MAGI2: variants seen among roughly 807,000 people sequenced by gnomAD.
MAGI2 encodes the protein membrane associated guanylate kinase, WW and PDZ domain containing 2.
MAGI2 carries 35 observed loss-of-function variants against 133.3 expected under a neutral mutation model. The ratio of observed to expected loss-of-function variants is 0.26; its 90% CI spans 0.20 to 0.35. The LOEUF is 0.35. Ranked by LOEUF, MAGI2 falls within the 10% of genes least tolerant of loss-of-function variation. The probability of loss-of-function intolerance (pLI) is 1.00; values close to 1 mark genes in which losing one functional copy is unlikely to be tolerated. For missense variants in MAGI2, 1,636 were observed against 1,863.4 expected, an observed-to-expected ratio of 0.88 and a Z score of 2.25; for synonymous variants, 729 against 710.6, an observed-to-expected ratio of 1.03 and a Z score of -0.41.
chr7:78,761,184 T>C (rs1033344344), intron 2 of MAGI2, among the ~76,000 whole-genome samples: 6 of 152,230 alleles, frequency 3.9e-5, no homozygotes, highest in African/African-American at 9.6e-5. Flanking sequence ...TAATAGAAGT[T>C]GGTCTGGGAA....
At chr7:78,808,528 T>C (rs1788777286) in intron 2 of MAGI2, among the ~76,000 whole-genome samples, 1 of 152,210 alleles carries the variant, frequency 6.6e-6, no homozygotes, top group South Asian at 2.1e-4. Context: ...CATGCTGGGA[T>C]TACAGGCGTG....
chr7:79,171,776 T>A (rs865935694), intron 1 of MAGI2, among the ~76,000 whole-genome samples: 1,272 of 31,076 alleles, frequency 0.041, 28 homozygotes, highest in South Asian at 0.1. Flanking sequence ...ATATATTTTT[T>A]TTTTTTTTTT....
intron 21 of MAGI2, among the ~76,000 whole-genome samples, chr7:78,028,283 C>T (rs1462384423): frequency 6.6e-6 from 1 of 152,190 alleles, no homozygotes; most frequent in Non-Finnish European, 1.5e-5. Context: ...GAGATGTAAA[C>T]TAGATGTTAT....
At chr7:78,202,186 A>G (rs1829313395) in intron 10 of MAGI2, among the ~76,000 whole-genome samples, 1 of 151,570 alleles carries the variant, frequency 6.6e-6, no homozygotes, top group African/African-American at 2.4e-5. Flanking sequence ...AACATGCCAC[A>G]TACTATGTTT....
chr7:78,825,068 G>T (rs1790497508), intron 2 of MAGI2, among the ~76,000 whole-genome samples: 1 of 152,086 alleles, frequency 6.6e-6, no homozygotes, highest in African/African-American at 2.4e-5. Context: ...GCCTGTTGGA[G>T]GGTGGGGGGC....
chr7:78,964,760 T>A (rs1013777102), intron 2 of MAGI2, among the ~76,000 whole-genome samples: 1 of 151,994 alleles, frequency 6.6e-6, no homozygotes, highest in Non-Finnish European at 1.5e-5. Flanking sequence ...GTTACCAGCT[T>A]AGGAACAGAA....
intron 2 of MAGI2, among the ~76,000 whole-genome samples, chr7:78,801,185 G>T (rs1319315675): frequency 6.6e-6 from 1 of 152,112 alleles, no homozygotes; most frequent in Non-Finnish European, 1.5e-5. Context: ...TAATTCAAAA[G>T]AAATTTTTTC....
At chr7:78,709,022 C>T (rs1358648096) in intron 2 of MAGI2, among the ~76,000 whole-genome samples, 1 of 152,150 alleles carries the variant, frequency 6.6e-6, no homozygotes, top group East Asian at 1.9e-4. Flanking sequence ...TCTCATCATG[C>T]CTCACTTGTA....
At chr7:79,342,016 G>C (rs1840937528) in intron 1 of MAGI2, among the ~76,000 whole-genome samples, 1 of 152,098 alleles carries the variant, frequency 6.6e-6, no homozygotes, top group Admixed American at 6.6e-5. Flanking sequence ...AACTTTTCTT[G>C]AACTTGTCCA....
At chr7:78,252,996 A>G (rs552425765) in intron 10 of MAGI2, 18 of 151,838 alleles carry the variant, frequency 1.2e-4, no homozygotes, top group African/African-American at 4.1e-4. Context: ...TACAACAGCC[A>G]TTTTAGAAAA....
chr7:79,008,320 TGTGCACAG>T (rs1807670298), intron 1 of MAGI2, among the ~76,000 whole-genome samples: 1 of 152,180 alleles, frequency 6.6e-6, no homozygotes, highest in South Asian at 2.1e-4. Context: ...ATTATGTAGG[TGTGCACAG>T]GTGCAAAACA....
intron 6 of MAGI2, among the ~76,000 whole-genome samples, chr7:78,413,723 C>T (rs761214239): frequency 1.3e-5 from 2 of 151,780 alleles, no homozygotes; most frequent in Non-Finnish European, 2.9e-5. Flanking sequence ...GAGAATGTGC[C>T]GGGAGGCTCT....
chr7:78,359,793 CA>C (rs1189684677), intron 7 of MAGI2, among the ~76,000 whole-genome samples: 1 of 152,090 alleles, frequency 6.6e-6, no homozygotes, highest in Non-Finnish European at 1.5e-5. Flanking sequence ...CAGAGGCTTA[CA>C]GAAAAAAGGC....
intron 3 of MAGI2, among the ~76,000 whole-genome samples, chr7:78,573,345 TAGAGAGAGAGAA>T (rs1801898876): frequency 1.5e-5 from 1 of 65,148 alleles, no homozygotes; most frequent in Admixed American, 2.7e-4. Context: ...TATATATATA[TAGAGAGAGAGAA>T]TCCTGGAAAT....
chr7:78,177,962 A>T, intron 14 of MAGI2, 49 bp downstream of exon 14: 1 of 1,268,042 alleles, frequency 7.9e-7, no homozygotes, highest in South Asian at 1.2e-5. Flanking sequence ...CCTGGTGTTT[A>T]CTCATACAAT....
chr7:78,345,788 T>C (rs1790843545), intron 8 of MAGI2, 134 bp downstream of exon 8: 1 of 1,274,604 alleles, frequency 7.8e-7, no homozygotes, highest in African/African-American at 1.5e-5. Context: ...AACATCCAGC[T>C]AAAGCTAATA....
intron 6 of MAGI2, among the ~76,000 whole-genome samples, chr7:78,468,579 A>G (rs1381612224): frequency 6.6e-6 from 1 of 152,166 alleles, no homozygotes; most frequent in Non-Finnish European, 1.5e-5. Context: ...TTTCAACTAT[A>G]TTGCACAATT....
chr7:79,373,864 G>T (rs1251800362), intron 1 of MAGI2, among the ~76,000 whole-genome samples: 2 of 151,972 alleles, frequency 1.3e-5, no homozygotes, highest in Admixed American at 6.6e-5. Flanking sequence ...CCTTGAAGAA[G>T]TTTGTTGTGC....
intron 2 of MAGI2, among the ~76,000 whole-genome samples, chr7:78,889,486 G>A (rs952236769): frequency 4.6e-5 from 7 of 152,156 alleles, no homozygotes; most frequent in Admixed American, 2.0e-4. Flanking sequence ...GAGAAAGGTC[G>A]GGTTACCCAC....
Sources: allele counts gnomAD v4.1 joint callset (sites outside exome capture counted in the v4.1 genomes callset), GRCh38; gene constraint gnomAD v4.1.1; transcripts MANE v1.5; gene names NCBI Gene and HGNC (gene_info 2026-07-23, HGNC 2026-07-21).